GRIN2B: variants seen among roughly 807,000 people sequenced by gnomAD.
The protein encoded by GRIN2B is glutamate receptor ionotropic, NMDA 2B.
Under a neutral mutation model 114.5 loss-of-function variants are expected in GRIN2B, and 5 were observed. The observed-to-expected ratio is 0.04, with a 90% CI of 0.02 to 0.09. The LOEUF is 0.09. GRIN2B is among the 10% of genes least tolerant of loss of function. The pLI is 1.00. For missense variants in GRIN2B, 1,108 were observed against 1,943.5 expected, an observed-to-expected ratio of 0.57 and a Z score of 8.08; for synonymous variants, 787 against 745.1, an observed-to-expected ratio of 1.06 and a Z score of -0.92.
chr12:13,671,660 A>C (rs77492094), intron 5 of GRIN2B, among the ~76,000 whole-genome samples: 2 of 152,186 alleles, frequency 1.3e-5, no homozygotes, highest in Non-Finnish European at 1.5e-5. Flanking sequence ...ACCTGTTCCC[A>C]TGCTGTCTCC....
chr12:13,764,624 A>G (rs1863744798), intron 3 of GRIN2B, among the ~76,000 whole-genome samples: 1 of 152,198 alleles, frequency 6.6e-6, no homozygotes, highest in Non-Finnish European at 1.5e-5. Context: ...CTTCCCTAGA[A>G]ATAAGAACTT....
At chr12:13,790,138 C>T (rs1457787274) in intron 3 of GRIN2B, among the ~76,000 whole-genome samples, 1 of 152,184 alleles carries the variant, frequency 6.6e-6, no homozygotes, top group African/African-American at 2.4e-5. Context: ...TAATCCTCTC[C>T]TCTCCTGGCC....
chr12:13,908,357 C>A (rs572133197), intron 2 of GRIN2B, among the ~76,000 whole-genome samples: 6 of 152,152 alleles, frequency 3.9e-5, no homozygotes, highest in African/African-American at 1.4e-4. Flanking sequence ...CCAGCATTAT[C>A]CCTGTGAGCA....
intron 3 of GRIN2B, among the ~76,000 whole-genome samples, chr12:13,759,001 T>C: frequency 1.0e-5 from 1 of 95,448 alleles, no homozygotes; most frequent in East Asian, 2.2e-4. Flanking sequence ...TAGTTCAATT[T>C]TTTTTTTTTT....
chr12:13,852,596 C>A (rs1451972569), intron 3 of GRIN2B, among the ~76,000 whole-genome samples: 1 of 151,116 alleles, frequency 6.6e-6, no homozygotes, highest in East Asian at 1.9e-4. Context: ...CAGGTGTGTA[C>A]CTGGCAGAGT....
intron 2 of GRIN2B, among the ~76,000 whole-genome samples, chr12:13,978,630 C>A (rs78399804): frequency 3.9e-5 from 6 of 152,172 alleles, no homozygotes; most frequent in African/African-American, 1.4e-4. Flanking sequence ...GGTGGTAATA[C>A]TTTTAGGAAA....
chr12:13,874,242 T>C (rs1412834349), intron 2 of GRIN2B, among the ~76,000 whole-genome samples: 1 of 152,240 alleles, frequency 6.6e-6, no homozygotes, highest in Non-Finnish European at 1.5e-5. Context: ...TTCTTGTCCT[T>C]ACAGCACTTC....
intron 4 of GRIN2B, among the ~76,000 whole-genome samples, chr12:13,741,983 G>A (rs1863294657): frequency 6.6e-6 from 1 of 152,134 alleles, no homozygotes; most frequent in South Asian, 2.1e-4. Flanking sequence ...CTAAATTGCT[G>A]AAGCTTAGTA....
chr12:13,816,171 T>C (rs1225361344), intron 3 of GRIN2B, among the ~76,000 whole-genome samples: 1 of 152,112 alleles, frequency 6.6e-6, no homozygotes, highest in Non-Finnish European at 1.5e-5. Context: ...GGCTAGATAT[T>C]AGAGATGACA....
Position 13,563,065 on chromosome 12 carries a change from A to G in GRIN2B, c.4173T>C (p.Phe1391=). The G allele has an allele frequency of 6.2e-7, 1 of 1,614,130 alleles. No homozygotes were observed. The highest frequency in any genetic ancestry group is 8.5e-7 in the Non-Finnish European group (1 of 1,180,012). Residue 1391 remains phenylalanine, a synonymous_variant, in exon 14 of 14, where the codon TTT becomes TTC. Transcript: ENST00000609686. ...CATGGAGCAAGCACTGGTCGTCCCC[A>G]AAAGTGGGGATGAAAGGGTTTTGCG... The part of the protein sequence containing the change: ...RVTQNPFIPT[F]GDDQCLLHGS...
intron 2 of GRIN2B, among the ~76,000 whole-genome samples, chr12:13,896,555 A>C (rs1323615493): frequency 1.3e-5 from 2 of 152,182 alleles, no homozygotes; most frequent in Non-Finnish European, 2.9e-5. Flanking sequence ...CAAAATGAAT[A>C]TAATGTACAA....
intron 4 of GRIN2B, among the ~76,000 whole-genome samples, chr12:13,737,387 AT>A (rs1289242419): frequency 6.6e-6 from 1 of 151,786 alleles, no homozygotes; most frequent in Admixed American, 6.6e-5. Context: ...AATTTTTTGT[AT>A]TTTTAGTAGA....
chr12:13,873,122 TC>T (rs1865938324), intron 2 of GRIN2B, among the ~76,000 whole-genome samples: 2 of 152,204 alleles, frequency 1.3e-5, no homozygotes, highest in African/African-American at 4.8e-5. Context: ...GCAGAACAGA[TC>T]CAAAATAATT....
At position 13,563,069 on chromosome 12, in the gene GRIN2B, G is replaced by A. The variant is rs1438384927; in HGVS notation, c.4169C>T (p.Thr1390Ile). 6.2e-7 allele frequency: 1 copy of A among 1,614,164 alleles called. No individual in the cohort carries two copies. The highest frequency in any genetic ancestry group is 8.5e-7 in the Non-Finnish European group (1 of 1,179,982). Residue 1390 changes from threonine (T) to isoleucine (I), a missense_variant, in exon 14 of 14, where the codon ACT becomes ATT. By Grantham distance (89) the Thr-to-Ile change is moderately conservative. This residue lies in a region of GRIN2B where 478 missense variants were observed against 506.0 expected (regional missense o/e 0.94). Coordinates refer to ENST00000609686, the MANE Select transcript of GRIN2B (RefSeq NM_000834.5). Reference sequence around the variant, plus strand: ...GAGCAAGCACTGGTCGTCCCCAAAAGTGGGGATGAAAGGGTTTTGCGTGAC... The same window carrying A: ...GAGCAAGCACTGGTCGTCCCCAAAAATGGGGATGAAAGGGTTTTGCGTGAC... The part of the protein sequence containing the change: ...DRVTQNPFIP[T>I]FGDDQCLLHG...
chr12:13,779,505 T>G (rs1464695997), intron 3 of GRIN2B, among the ~76,000 whole-genome samples: 2 of 152,172 alleles, frequency 1.3e-5, no homozygotes, highest in Non-Finnish European at 2.9e-5. Context: ...TATATTAAAA[T>G]AAATAAAATG....
intron 4 of GRIN2B, among the ~76,000 whole-genome samples, chr12:13,702,219 T>C (rs1166720846): frequency 6.6e-6 from 1 of 152,184 alleles, no homozygotes; most frequent in African/African-American, 2.4e-5. Context: ...AGTAACAGAA[T>C]TATAATTGTG....
At chr12:13,810,695 T>A (rs1311984838) in intron 3 of GRIN2B, among the ~76,000 whole-genome samples, 1 of 152,230 alleles carries the variant, frequency 6.6e-6, no homozygotes. Flanking sequence ...TGAAGGCAGA[T>A]TCTATGTCCT....
chr12:13,649,762 C>A (rs1205942573), intron 5 of GRIN2B, among the ~76,000 whole-genome samples: 1 of 152,064 alleles, frequency 6.6e-6, no homozygotes, highest in African/African-American at 2.4e-5. Flanking sequence ...CCATCTTCTG[C>A]ATAACTAAGT....
chr12:13,908,500 G>C (rs1866580558), intron 2 of GRIN2B, among the ~76,000 whole-genome samples: 1 of 152,194 alleles, frequency 6.6e-6, no homozygotes, highest in Non-Finnish European at 1.5e-5. Flanking sequence ...ATGTACCCAA[G>C]TTGATATGGC....
Sources: gnomAD v4.1 joint callset for allele counts (sites outside exome capture counted in the v4.1 genomes callset) on GRCh38, gnomAD v4.1.1 for gene constraint, gnomAD v4.1.1 regional missense constraint, MANE v1.5 for transcripts, NCBI Gene and HGNC (gene_info 2026-07-23, HGNC 2026-07-21) for gene names.